Variants in DNAJC13 observed in about 807,000 individuals in gnomAD.
DNAJC13 encodes dnaJ homolog subfamily C member 13.
DNAJC13 carries 75 observed loss-of-function variants against 290.5 expected under a neutral mutation model. The observed-to-expected ratio is 0.26, with a 90% CI of 0.21 to 0.31. The LOEUF (loss-of-function observed/expected upper bound fraction) is 0.31, where lower values mean the gene tolerates loss of function less well. Ranked by LOEUF, DNAJC13 falls within the 10% of genes least tolerant of loss-of-function variation. The pLI is 1.00. For missense variants in DNAJC13, 2,260 were observed against 2,674.5 expected (o/e 0.85, Z 3.42); for synonymous variants, 862 against 892.0 (o/e 0.97, Z 0.60).
intron 48 of DNAJC13, among the ~76,000 whole-genome samples, chr3:132,522,553 G>A (rs1936123455): frequency 6.6e-6 from 1 of 152,098 alleles, no homozygotes; most frequent in Non-Finnish European, 1.5e-5. Flanking sequence ...ACGGAGGCAG[G>A]GGGTGAAAAT....
intron 48 of DNAJC13, among the ~76,000 whole-genome samples, chr3:132,521,343 T>G (rs191935618): frequency 1.3e-5 from 2 of 151,988 alleles, no homozygotes; most frequent in African/African-American, 4.8e-5. Context: ...AGCCCAGGAG[T>G]TCGAGGTTGC....
At chr3:132,494,909 A>G (rs1935183067) in intron 34 of DNAJC13, among the ~76,000 whole-genome samples, 179 bp from the exon 35 acceptor site, 1 of 151,202 alleles carries the variant, frequency 6.6e-6, no homozygotes, top group South Asian at 2.1e-4. Context: ...TCTTTCACCC[A>G]TAAAAGTAAC....
In DNAJC13 at chr3:132,528,272, T is replaced by A. The variant is rs1936319433; in HGVS notation, c.6465T>A (p.Thr2155=). Reference sequence around the variant, plus strand: ...AAAACCTGGACAGCCCAGCAGCCACTAAGGCTCAGATTGTTAAAGCTCTCA... The same window carrying A: ...AAAACCTGGACAGCCCAGCAGCCACAAAGGCTCAGATTGTTAAAGCTCTCA... The part of the protein sequence containing the change: ...GLENLDSPAA[T]KAQIVKALKA... Residue 2155 remains threonine (T), a synonymous_variant, in exon 54 of 56, where the codon ACT becomes ACA. Coordinates refer to ENST00000260818, the MANE Select transcript of DNAJC13 (RefSeq NM_015268.4). 6.8e-6 allele frequency: 11 copies of A among 1,614,096 alleles called. No individual in the cohort carries two copies. Among genetic ancestry groups the A allele is most frequent in the Middle Eastern group, 1.6e-4 (1 of 6,084 alleles).
chr3:132,530,393 G>T (rs977455135), intron 54 of DNAJC13, among the ~76,000 whole-genome samples: 3 of 152,116 alleles, frequency 2.0e-5, no homozygotes, highest in Non-Finnish European at 4.4e-5. Context: ...ACACAGAAAT[G>T]TCTTTCATCT....
chr3:132,506,457 C>T (rs920857673), intron 42 of DNAJC13, among the ~76,000 whole-genome samples: 14 of 148,716 alleles, frequency 9.4e-5, no homozygotes, highest in Middle Eastern at 3.5e-3. Context: ...AATCTAAATT[C>T]GTTTTGGTTT....
chr3:132,494,123 T>A (rs773019081), intron 33 of DNAJC13, 21 bp from the exon 34 acceptor site: 109 of 1,491,570 alleles, frequency 7.3e-5, no homozygotes, highest in Non-Finnish European at 9.4e-5. Context: ...TTGATATAAA[T>A]TTTAATCTTT....
At chr3:132,472,222 C>G (rs560897066) in intron 20 of DNAJC13, among the ~76,000 whole-genome samples, 1 of 152,072 alleles carries the variant, frequency 6.6e-6, no homozygotes, top group Non-Finnish European at 1.5e-5. Context: ...AGAGGGAGAC[C>G]GTGGGGAGAG....
Position 132,488,317 on chromosome 3 carries a change from C to G in DNAJC13, c.3287C>G (p.Pro1096Arg). 6.2e-7 allele frequency: 1 copy of G among 1,611,136 alleles called. No homozygotes were observed. The part of the protein sequence containing the change: ...HIIQLLLTFD[P>R]ILVEKVAILL... ...TTTCAGCTACTGCTGACCTTTGACC[C>G]TATCCTTGTTGAGAAGGTTGCTATT... Residue 1096 changes from proline to arginine, a missense_variant, in exon 30 of 56, where the codon CCT becomes CGT. Coordinates refer to ENST00000260818, the MANE Select transcript of DNAJC13 (RefSeq NM_015268.4).
intron 21 of DNAJC13, among the ~76,000 whole-genome samples, chr3:132,473,665 C>A (rs80077697): frequency 0.014 from 2,097 of 152,072 alleles, 49 homozygotes; most frequent in African/African-American, 0.048. Context: ...CTCACCCTTA[C>A]CCTGCACCCC....
At position 132,531,054 on chromosome 3, in the gene DNAJC13, T is replaced by C; in HGVS notation, c.6582T>C (p.His2194=). Residue 2194 remains histidine (H), a synonymous_variant, in exon 55 of 56, where the codon CAT becomes CAC. Coordinates refer to ENST00000260818, the MANE Select transcript of DNAJC13 (RefSeq NM_015268.4). The part of the protein sequence containing the change: ...SVWSAFKDQK[H]DLFISESQTA... ...GGAGTGCCTTCAAAGATCAGAAACA[T>C]GATTTGTTCATTTCTGAGTCACAAA... 6.2e-7 allele frequency: 1 copy of C among 1,614,158 alleles called. No individual in the cohort carries two copies. Among genetic ancestry groups the C allele is most frequent in the Non-Finnish European group, 8.5e-7 (1 of 1,179,996 alleles).
chr3:132,510,562 T>C (rs963291926), intron 43 of DNAJC13, among the ~76,000 whole-genome samples: 1 of 152,112 alleles, frequency 6.6e-6, no homozygotes, highest in African/African-American at 2.4e-5. Context: ...TTGATTTGTT[T>C]GTAAAAAGGA....
intron 43 of DNAJC13, 60 bp from the exon 44 acceptor site, chr3:132,511,007 T>C: frequency 1.3e-6 from 2 of 1,551,922 alleles, no homozygotes; most frequent in East Asian, 2.3e-5. Context: ...TTCTTTCTTT[T>C]GCTATGGAGT....
At chr3:132,469,864 T>G (rs1280734492) in intron 20 of DNAJC13, among the ~76,000 whole-genome samples, 2 of 151,574 alleles carry the variant, frequency 1.3e-5, no homozygotes, top group Non-Finnish European at 2.9e-5. Flanking sequence ...ACTTCCGTGT[T>G]TTAATCTATA....
At position 132,499,469 on chromosome 3, in the gene DNAJC13, T is replaced by C. The variant is rs561753398; in HGVS notation, c.4341+159T>C. On this transcript the variant is annotated intron_variant, in intron 37 of 55. Transcript: ENST00000260818. ...TCTTATACCAAATTAAAGGTAGAAA[T>C]GGAGCTTTATTTCACAATGTGAGTT... is the stretch of plus-strand genomic sequence containing the variant. 3.9e-5 allele frequency among the ~76,000 whole-genome samples: 6 copies of C among 152,310 alleles called. No individual in the cohort carries two copies. The South Asian group carries it at 1.2e-3, about 32-fold the overall frequency.
chr3:132,513,942 TG>T (rs1474930178), intron 45 of DNAJC13, among the ~76,000 whole-genome samples: 1 of 152,218 alleles, frequency 6.6e-6, no homozygotes. Flanking sequence ...GATAACATTT[TG>T]GCTTAAAACA....
chr3:132,456,269 A>G lies in DNAJC13; in HGVS notation c.967A>G (p.Arg323Gly). 1.2e-6 allele frequency: 2 copies of G among 1,613,882 alleles called. No individual in the cohort carries two copies. The highest frequency in any genetic ancestry group is 1.7e-6 in the Non-Finnish European group (2 of 1,179,828). ...ATTAGCAAGTTTGCTGGATGGAGTA[A>G]GAGCCTCTGGTAATAGAGATGTTTG... ...SLLASLLDGV[R>G]ASGNRDVCVK... Residue 323 changes from arginine (R) to glycine (G), a missense_variant, in exon 10 of 56, where the codon AGA becomes GGA. By Grantham distance (125) the Arg-to-Gly change is moderately radical. This residue lies in a region of DNAJC13 where 762 missense variants were observed against 964.1 expected (regional missense o/e 0.79). Coordinates refer to ENST00000260818, the MANE Select transcript of DNAJC13 (RefSeq NM_015268.4).
chr3:132,426,015 A>G (rs1446515555), intron 1 of DNAJC13, among the ~76,000 whole-genome samples: 1 of 152,164 alleles, frequency 6.6e-6, no homozygotes, highest in Non-Finnish European at 1.5e-5. Context: ...TGTCTTCTAA[A>G]AGATCATTCT....
chr3:132,503,349 G>T lies in DNAJC13; in HGVS notation c.4852G>T (p.Ala1618Ser). 5 of 1,614,118 alleles carry T rather than the reference G, an allele frequency of 3.1e-6. No individual in the cohort carries two copies. Among genetic ancestry groups the T allele is most frequent in the Non-Finnish European group, 4.2e-6 (5 of 1,179,972 alleles). The change falls in exon 41 of 56, where the codon GCT (alanine) becomes TCT (serine). Residue 1618 changes from alanine to serine, a missense_variant. Physicochemically the swap from Ala to Ser is moderately conservative, Grantham distance 99. Around this residue, in one of 3 missense-constraint regions of DNAJC13, gnomAD observed 1,494 missense variants for 1,693.7 expected, o/e 0.88. Transcript: ENST00000260818. ...AGCTGGCATGCTGACACCCTATGTT[G>T]CTAGAAAACTTGCTGTGGCTAGTGT... Reference protein sequence around the residue: ...SLAGMLTPYVARKLAVASVTE... With the variant: ...SLAGMLTPYVSRKLAVASVTE...
At position 132,495,110 on chromosome 3, in the gene DNAJC13, A is replaced by G; in HGVS notation, c.3964A>G (p.Lys1322Glu). 6.2e-7 allele frequency: 1 copy of G among 1,613,574 alleles called. No individual in the cohort carries two copies. Among genetic ancestry groups the G allele is most frequent in the Non-Finnish European group, 8.5e-7 (1 of 1,179,588 alleles). The change falls in exon 35 of 56, where the codon AAA (lysine) becomes GAA (glutamate). Residue 1322 changes from lysine to glutamate, a missense_variant. Transcript: ENST00000260818. ...QGPHDESKIR[K>E]AYFRLAQKYH... The stretch of plus-strand genomic sequence containing the variant: ...CAGGCATGATGAGAGCAAGATTAGG[A>G]AAGCTTACTTCAGACTTGCACAAAA...
Sources: allele counts gnomAD v4.1 joint callset (sites outside exome capture counted in the v4.1 genomes callset), GRCh38; gene constraint gnomAD v4.1.1; regional missense constraint gnomAD v4.1.1; transcripts MANE v1.5; gene names NCBI Gene and HGNC (gene_info 2026-07-23, HGNC 2026-07-21).